LOC728743: variants seen among roughly 807,000 people sequenced by gnomAD.
the LOC728743 span, among the ~76,000 whole-genome samples, chr7:150,401,720 G>A: frequency 6.6e-6 from 1 of 152,284 alleles, no homozygotes; most frequent in Non-Finnish European, 1.5e-5. Context: ...TTTTTGTGAT[G>A]ATGACAGCGC....
At chr7:150,402,791 G>C in the LOC728743 span, among the ~76,000 whole-genome samples, 1 of 152,232 alleles carries the variant, frequency 6.6e-6, no homozygotes, top group Admixed American at 6.5e-5. Flanking sequence ...GATGCGGGGA[G>C]CAGGGTCTGG....
At chr7:150,405,101 G>A in the LOC728743 span, 2 of 152,276 alleles carry the variant, frequency 1.3e-5, no homozygotes, top group African/African-American at 4.8e-5. Context: ...CGGGGGGCTT[G>A]AGAGGGCCCG....
chr7:150,409,144 A>ATAGTTCAGTGACTGTCTCCGGG, the LOC728743 span, among the ~76,000 whole-genome samples: 23 of 125,726 alleles, frequency 1.8e-4, 1 homozygote, highest in African/African-American at 5.7e-4. Flanking sequence ...TTTTCAAGGG[A>ATAGTTCAGTGACTGTCTCCGGG]GGGGGGGTCC....
chr7:150,405,661 G>C, the LOC728743 span: 1 of 152,232 alleles, frequency 6.6e-6, no homozygotes, highest in East Asian at 1.9e-4. Context: ...ATTTCTCCAG[G>C]GTTGCTCCGG....
chr7:150,407,745 CCTT>C, the LOC728743 span: 4 of 399,958 alleles, frequency 1.0e-5, no homozygotes. Flanking sequence ...TGCGGCCAGA[CCTT>C]CTCGCAGCAG....
At chr7:150,404,446 A>T in the LOC728743 span, 1 of 152,154 alleles carries the variant, frequency 6.6e-6, no homozygotes, top group East Asian at 1.9e-4. Context: ...TGAGTGTTGG[A>T]GGAAGCCACT....
At chr7:150,408,266 C>A in the LOC728743 span, 3 of 378,956 alleles carry the variant, frequency 7.9e-6, no homozygotes, top group Admixed American at 4.5e-5. Flanking sequence ...CCGCCCCGCA[C>A]GTGCGTCCCC....
the LOC728743 span, among the ~76,000 whole-genome samples, chr7:150,409,144 A>T: frequency 8.0e-6 from 1 of 125,640 alleles, no homozygotes; most frequent in Non-Finnish European, 1.7e-5. Flanking sequence ...TTTTCAAGGG[A>T]GGGGGGGTCC....
the LOC728743 span, chr7:150,408,300 C>G: frequency 1.9e-5 from 7 of 364,188 alleles, no homozygotes; most frequent in Non-Finnish European, 3.4e-5. Flanking sequence ...GGCCCTGGGC[C>G]GCAGCTCCCT....
chr7:150,411,960 C>T, the LOC728743 span: 1 of 153,138 alleles, frequency 6.5e-6, no homozygotes. Context: ...GCCCACATTC[C>T]TCCTTCCTGC....
At chr7:150,407,048 CCT>C in the LOC728743 span, among the ~76,000 whole-genome samples, 3 of 152,310 alleles carry the variant, frequency 2.0e-5, no homozygotes, top group Non-Finnish European at 2.9e-5. Context: ...CCTACCTCCC[CCT>C]GTCCTTGAGA....
the LOC728743 span, among the ~76,000 whole-genome samples, chr7:150,404,018 G>A: frequency 6.7e-3 from 1,026 of 152,346 alleles, 10 homozygotes; most frequent in African/African-American, 0.023. Flanking sequence ...GAGCTGCAGA[G>A]AGGACCCTCA....
chr7:150,402,654 G>A, the LOC728743 span, among the ~76,000 whole-genome samples: 5 of 152,234 alleles, frequency 3.3e-5, no homozygotes, highest in South Asian at 2.1e-4. Context: ...AAGGTGCTTT[G>A]GAGAGAGGGA....
At chr7:150,412,346 G>A in the LOC728743 span, 1 of 152,352 alleles carries the variant, frequency 6.6e-6, no homozygotes, top group Non-Finnish European at 1.5e-5. Context: ...GGGAGCATCA[G>A]GGACCCCCAC....
At chr7:150,405,476 T>C in the LOC728743 span, 2 of 142,938 alleles carry the variant, frequency 1.4e-5, no homozygotes, top group African/African-American at 5.1e-5. Context: ...GGGACTTAAT[T>C]ACGTATTTAT....
At chr7:150,407,855 A>G in the LOC728743 span, 1 of 426,826 alleles carries the variant, frequency 2.3e-6, no homozygotes, top group Non-Finnish European at 4.2e-6. Context: ...CGTCAAGCAC[A>G]ACCTCGAGGT....
At chr7:150,408,915 C>T in the LOC728743 span, among the ~76,000 whole-genome samples, 9 of 152,148 alleles carry the variant, frequency 5.9e-5, no homozygotes, top group African/African-American at 1.7e-4. Flanking sequence ...CTGACTGTGC[C>T]GGGCTGGGCT....
chr7:150,406,396 C>G, the LOC728743 span, among the ~76,000 whole-genome samples: 14 of 151,914 alleles, frequency 9.2e-5, no homozygotes, highest in Admixed American at 2.6e-4. Flanking sequence ...GAGAAGTGGC[C>G]CTTTGGAATG....
chr7:150,408,784 T>C, the LOC728743 span, among the ~76,000 whole-genome samples: 1 of 152,228 alleles, frequency 6.6e-6, no homozygotes, highest in South Asian at 2.1e-4. Context: ...TTTACTCATC[T>C]GTAAGTTGGG....
Sources: gnomAD v4.1 joint callset for allele counts (sites outside exome capture counted in the v4.1 genomes callset) on GRCh38, gnomAD v4.1.1 for gene constraint, MANE v1.5 for transcripts.